OCA2: variants seen among roughly 807,000 people sequenced by gnomAD.
OCA2 encodes the protein OCA2 melanosomal transmembrane protein.
In OCA2, 77 loss-of-function variants were observed where a neutral mutation model predicts 100.2. That is an observed-to-expected ratio of 0.77 (90% CI 0.64 to 0.93). OCA2 has a LOEUF of 0.93. Ranked by LOEUF, OCA2 falls within the 40% of genes least tolerant of loss-of-function variation. OCA2 has a pLI of 0.00. For missense variants in OCA2, 1,062 were observed against 1,089.1 expected, an observed-to-expected ratio of 0.98 and a Z score of 0.35; for synonymous variants, 432 against 439.2, an observed-to-expected ratio of 0.98 and a Z score of 0.21.
chr15:27,831,303 A>AAAAAAAAAC (rs1337827985), intron 23 of OCA2, among the ~76,000 whole-genome samples: 1 of 150,960 alleles, frequency 6.6e-6, no homozygotes, highest in Admixed American at 6.6e-5. Flanking sequence ...AAAAAAAAAA[A>AAAAAAAAAC]AAATCGGTCT....
At chr15:27,899,145 T>TA (rs1230955530) in intron 19 of OCA2, among the ~76,000 whole-genome samples, 1 of 152,236 alleles carries the variant, frequency 6.6e-6, no homozygotes, top group African/African-American at 2.4e-5. Context: ...TTAATCAATG[T>TA]AATCTAACCA....
rs527948498 is a variant in OCA2 at position 27,960,721 on chromosome 15, G to A, written c.1637-2986C>T. ...AGTTCGAGGCCAGCCTGGCCAATAT[G>A]GTGAAACTCTGACTCTACTAAAAAT... On this transcript the variant is annotated intron_variant, in intron 15 of 23. Transcript: ENST00000354638. Among the ~76,000 whole-genome samples, 309 of 152,188 alleles carry A rather than the reference G, an allele frequency of 2.0e-3. 1 individual carries two copies. The highest frequency in any genetic ancestry group is 7.2e-3 in the African/African-American group (299 of 41,518).
chr15:27,818,931 G>T (rs2034405603), intron 23 of OCA2, among the ~76,000 whole-genome samples: 1 of 152,178 alleles, frequency 6.6e-6, no homozygotes, highest in Admixed American at 6.5e-5. Context: ...ATGTGCAGGT[G>T]TCGCCAGACC....
At chr15:27,814,215 A>T (rs994271669) in intron 23 of OCA2, among the ~76,000 whole-genome samples, 19 of 111,484 alleles carry the variant, frequency 1.7e-4, no homozygotes, top group South Asian at 1.6e-3. Context: ...TTTTTTAATT[A>T]AAAAAAACAA....
intron 23 of OCA2, among the ~76,000 whole-genome samples, chr15:27,778,983 A>C (rs2032396018): frequency 1.3e-5 from 2 of 152,212 alleles, no homozygotes; most frequent in African/African-American, 4.8e-5. Context: ...TTATCCCTTC[A>C]TTATGGAAGA....
At chr15:28,029,875 C>T (rs923431826) in intron 3 of OCA2, among the ~76,000 whole-genome samples, 1 of 152,166 alleles carries the variant, frequency 6.6e-6, no homozygotes, top group Admixed American at 6.5e-5. Context: ...AAAAGGAAAA[C>T]GTTTTGTAAG....
chr15:27,949,779 T>A (rs2039971499), intron 18 of OCA2, among the ~76,000 whole-genome samples: 1 of 152,220 alleles, frequency 6.6e-6, no homozygotes, highest in South Asian at 2.1e-4. Context: ...CTTGTATCCA[T>A]TTTGCCCTTG....
chr15:27,767,302 C>T (rs530016293), intron 23 of OCA2, among the ~76,000 whole-genome samples: 2 of 152,292 alleles, frequency 1.3e-5, no homozygotes, highest in African/African-American at 2.4e-5. Flanking sequence ...CTGCAGGGCA[C>T]CTTCTTTGCC....
At chr15:27,730,732 A>AAT in the OCA2 span, among the ~76,000 whole-genome samples, 1,039 of 101,598 alleles carry the variant, frequency 0.01, 9 homozygotes, top group South Asian at 0.014. Flanking sequence ...AAAAAGACCA[A>AAT]ATATATATAT....
chr15:28,098,193 C>T (rs1324788509), intron 1 of OCA2, among the ~76,000 whole-genome samples: 6 of 152,238 alleles, frequency 3.9e-5, no homozygotes, highest in Non-Finnish European at 1.5e-5. Flanking sequence ...GTGAACTGCA[C>T]TCAAATTGTT....
intron 18 of OCA2, among the ~76,000 whole-genome samples, chr15:27,944,630 G>A (rs1303903458): frequency 6.6e-6 from 1 of 152,012 alleles, no homozygotes; most frequent in Non-Finnish European, 1.5e-5. Flanking sequence ...CTGCTCCTGT[G>A]GCTTACTCAG....
At chr15:27,925,294 G>A (rs2039003679) in intron 19 of OCA2, among the ~76,000 whole-genome samples, 1 of 152,104 alleles carries the variant, frequency 6.6e-6, no homozygotes, top group African/African-American at 2.4e-5. Context: ...CACATCACAA[G>A]TAGAATATTC....
chr15:27,989,325 T>A (rs2041467436), intron 11 of OCA2, among the ~76,000 whole-genome samples: 1 of 152,022 alleles, frequency 6.6e-6, no homozygotes, highest in Non-Finnish European at 1.5e-5. Flanking sequence ...CCATTTTTTT[T>A]ATTTTAACGG....
chr15:28,019,630 C>A (rs905582337), intron 6 of OCA2, among the ~76,000 whole-genome samples: 6 of 152,212 alleles, frequency 3.9e-5, no homozygotes, highest in African/African-American at 1.4e-4. Flanking sequence ...ACAGCAGACA[C>A]CCTGGGTGTC....
At chr15:27,797,603 T>C (rs1440142737) in intron 23 of OCA2, among the ~76,000 whole-genome samples, 1 of 152,182 alleles carries the variant, frequency 6.6e-6, no homozygotes, top group East Asian at 1.9e-4. Context: ...GATGATGGCA[T>C]TGCAGCTTAA....
intron 23 of OCA2, among the ~76,000 whole-genome samples, chr15:27,801,550 CAAAAAAAAAAAAAAA>C (rs34636608): frequency 5.3e-5 from 2 of 37,828 alleles, no homozygotes; most frequent in South Asian, 1.1e-3. Flanking sequence ...GACTCGGTCT[CAAAAAAAAAAAAAAA>C]AAAAAAAAAA....
chr15:27,811,156 T>C (rs1369619597), intron 23 of OCA2, among the ~76,000 whole-genome samples: 1 of 151,810 alleles, frequency 6.6e-6, no homozygotes, highest in East Asian at 1.9e-4. Flanking sequence ...AAAGAAAATG[T>C]GCTATATATA....
intron 23 of OCA2, among the ~76,000 whole-genome samples, chr15:27,827,649 G>A (rs2034784814): frequency 6.6e-6 from 1 of 152,062 alleles, no homozygotes; most frequent in African/African-American, 2.4e-5. Flanking sequence ...CTAGAAGGCA[G>A]AAACAAAATA....
At chr15:27,922,491 A>G (rs947303190) in intron 19 of OCA2, among the ~76,000 whole-genome samples, 1 of 152,234 alleles carries the variant, frequency 6.6e-6, no homozygotes, top group African/African-American at 2.4e-5. Context: ...TGAATCCTGC[A>G]TCTTTACATT....
Sources: allele counts gnomAD v4.1 joint callset (sites outside exome capture counted in the v4.1 genomes callset), GRCh38; gene constraint gnomAD v4.1.1; transcripts MANE v1.5; gene names NCBI Gene and HGNC (gene_info 2026-07-23, HGNC 2026-07-21).